Variants in EIPR1 observed in about 807,000 individuals in gnomAD.
The protein encoded by EIPR1 is EARP and GARP complex-interacting protein 1.
EIPR1 carries 25 observed loss-of-function variants against 48.1 expected under a neutral mutation model. That is an observed-to-expected ratio of 0.52 (90% confidence interval 0.38 to 0.73). The LOEUF is 0.73. EIPR1 is among the 30% of genes least tolerant of loss of function. EIPR1 has a pLI of 0.00. For synonymous variants in EIPR1, 204 were observed against 201.9 expected (o/e 1.01, Z -0.09); for missense variants, 415 against 506.2 (o/e 0.82, Z 1.73).
intron 3 of EIPR1, among the ~76,000 whole-genome samples, chr2:3,305,084 C>T (rs1167072229): frequency 1.2e-4 from 17 of 139,810 alleles, no homozygotes; most frequent in African/African-American, 3.9e-4. Flanking sequence ...CAGTTCAACC[C>T]TCCACTCCCA....
At chr2:3,356,158 G>A (rs949855295) in intron 1 of EIPR1, among the ~76,000 whole-genome samples, 10 of 152,212 alleles carry the variant, frequency 6.6e-5, no homozygotes, top group African/African-American at 1.4e-4. Flanking sequence ...CCAGATGGCC[G>A]GGGTTTTATA....
At chr2:3,366,687 A>G (rs1266735329) in intron 1 of EIPR1, among the ~76,000 whole-genome samples, 1 of 152,240 alleles carries the variant, frequency 6.6e-6, no homozygotes, top group African/African-American at 2.4e-5. Context: ...ATAAAAAAAG[A>G]CCAACATAGA....
At chr2:3,343,114 A>G (rs1670300033) in intron 2 of EIPR1, among the ~76,000 whole-genome samples, 1 of 152,162 alleles carries the variant, frequency 6.6e-6, no homozygotes, top group South Asian at 2.1e-4. Flanking sequence ...CCAGTTAGAC[A>G]CGGCACAGCC....
Position 3,312,620 on chromosome 2 carries a change from C to T in EIPR1, c.259+25397G>A, listed in dbSNP as rs533112592. On this transcript the variant is annotated intron_variant, in intron 3 of 8. Transcript: ENST00000382125. The surrounding 1 kb of genome is among the most constrained non-coding windows in gnomAD (Gnocchi z 5.5). ...TTTATCCCTAGCTTTGCAGGTAAAG[C>T]TTTGCAGGGAGAAGGACCCACGATG... 6.6e-6 allele frequency among the ~76,000 whole-genome samples: 1 copy of T among 152,318 alleles called. No individual in the cohort carries two copies. The highest frequency in any genetic ancestry group is 1.9e-4 in the East Asian group (1 of 5,186).
intron 4 of EIPR1, among the ~76,000 whole-genome samples, chr2:3,244,837 A>G (rs762142932): frequency 1.3e-5 from 2 of 152,234 alleles, no homozygotes; most frequent in African/African-American, 2.4e-5. Context: ...GCCTGGACAC[A>G]CCGATCTGCC....
chr2:3,363,803 C>A (rs75313342), intron 1 of EIPR1, among the ~76,000 whole-genome samples: 58 of 132,434 alleles, frequency 4.4e-4, no homozygotes, highest in East Asian at 9.7e-4. Flanking sequence ...AACTCAACAG[C>A]AAAAAAAAAA....
chr2:3,197,067 T>A, intron 5 of EIPR1, 50 bp from the exon 6 acceptor site: 1 of 1,606,016 alleles, frequency 6.2e-7, no homozygotes, highest in South Asian at 1.1e-5. Context: ...AAGAAGAATG[T>A]GAAGTCTGTT....
intron 2 of EIPR1, among the ~76,000 whole-genome samples, chr2:3,345,734 A>G (rs775090583): frequency 2.7e-4 from 41 of 152,284 alleles, no homozygotes; most frequent in African/African-American, 4.6e-4. Context: ...AAGAAAGTGC[A>G]CAGTGGGAGG....
intron 3 of EIPR1, among the ~76,000 whole-genome samples, chr2:3,317,688 G>A (rs1420583055): frequency 1.3e-5 from 2 of 152,218 alleles, no homozygotes; most frequent in Admixed American, 6.5e-5. Context: ...CAGTGTGACT[G>A]TACTGGAGAC....
chr2:3,307,894 G>T (rs1366153915), intron 3 of EIPR1, among the ~76,000 whole-genome samples: 9 of 152,170 alleles, frequency 5.9e-5, no homozygotes, highest in Admixed American at 5.9e-4. Flanking sequence ...TATCCCAAAT[G>T]ATCCTATTTG....
chr2:3,354,245 G>GGTA (rs1348614548), intron 2 of EIPR1, among the ~76,000 whole-genome samples: 1 of 152,104 alleles, frequency 6.6e-6, no homozygotes, highest in African/African-American at 2.4e-5. Flanking sequence ...AAGAAGAAGG[G>GGTA]GTAGTGGTGA....
At chr2:3,370,109 G>A (rs1366644147) in intron 1 of EIPR1, among the ~76,000 whole-genome samples, 7 of 152,206 alleles carry the variant, frequency 4.6e-5, no homozygotes, top group African/African-American at 1.7e-4. Flanking sequence ...AGACACCGCT[G>A]CTGATACCCA....
At chr2:3,376,351 A>G (rs1659881871) in intron 1 of EIPR1, among the ~76,000 whole-genome samples, 1 of 152,096 alleles carries the variant, frequency 6.6e-6, no homozygotes, top group African/African-American at 2.4e-5. Context: ...TCTGGGTGGC[A>G]TATGTTATTC....
At chr2:3,304,188 G>C (rs371921395) in intron 3 of EIPR1, among the ~76,000 whole-genome samples, 37 of 152,318 alleles carry the variant, frequency 2.4e-4, no homozygotes, top group African/African-American at 8.7e-4. Context: ...GGAGCGCCAC[G>C]CAAGGCTGCA....
At chr2:3,362,246 A>T (rs1211700297) in intron 1 of EIPR1, among the ~76,000 whole-genome samples, 1 of 137,512 alleles carries the variant, frequency 7.3e-6, no homozygotes, top group Non-Finnish European at 1.6e-5. Context: ...CCCCTTCCCC[A>T]CAGCCTGCCC....
chr2:3,218,191 T>C (rs1403921546), intron 4 of EIPR1, among the ~76,000 whole-genome samples: 1 of 149,636 alleles, frequency 6.7e-6, no homozygotes, highest in Non-Finnish European at 1.5e-5. Context: ...ACGGCCCTGA[T>C]ACGCTCTAGA....
intron 3 of EIPR1, among the ~76,000 whole-genome samples, chr2:3,293,741 C>T (rs1252402075): frequency 6.6e-6 from 1 of 152,100 alleles, no homozygotes; most frequent in Non-Finnish European, 1.5e-5. Flanking sequence ...CAGGTGAGAC[C>T]CACCCCAGGA....
intron 2 of EIPR1, among the ~76,000 whole-genome samples, chr2:3,350,666 T>C (rs1670544857): frequency 6.6e-6 from 1 of 152,206 alleles, no homozygotes; most frequent in Non-Finnish European, 1.5e-5. Flanking sequence ...GATGAATGAA[T>C]GAACAGCTCA....
chr2:3,302,143 T>C (rs1052707972), intron 3 of EIPR1, among the ~76,000 whole-genome samples: 1 of 152,138 alleles, frequency 6.6e-6, no homozygotes, highest in African/African-American at 2.4e-5. Context: ...GGGTTCCAGA[T>C]CCAGCCACCT....
Sources: gnomAD v4.1 joint callset for allele counts (sites outside exome capture counted in the v4.1 genomes callset) on GRCh38, gnomAD v4.1.1 for gene constraint, Gnocchi (gnomAD v3.1) non-coding constraint, MANE v1.5 for transcripts, NCBI Gene and HGNC (gene_info 2026-07-23, HGNC 2026-07-21) for gene names.